CC2D2B: variants seen among roughly 807,000 people sequenced by gnomAD.
CC2D2B encodes the protein protein CC2D2B.
Under a neutral mutation model 161.2 loss-of-function variants are expected in CC2D2B, and 128 were observed. The ratio of observed to expected loss-of-function variants is 0.79; its 90% CI spans 0.69 to 0.92. The LOEUF is 0.92. Ranked by LOEUF, CC2D2B falls within the 40% of genes least tolerant of loss-of-function variation. The probability of loss-of-function intolerance (pLI) is 0.00; values close to 1 mark genes in which losing one functional copy is unlikely to be tolerated. For synonymous variants in CC2D2B, 391 were observed against 449.8 expected (o/e 0.87, Z 1.65); for missense variants, 1,173 against 1,375.1 (o/e 0.85, Z 2.32).
At chr10:95,939,311 A>G (rs917947244) in intron 9 of CC2D2B, among the ~76,000 whole-genome samples, 6 of 152,158 alleles carry the variant, frequency 3.9e-5, no homozygotes, top group African/African-American at 1.4e-4. Context: ...ATTGTTGTGT[A>G]CAGCAATAGC....
rs769545894 is a variant in CC2D2B at position 96,022,340 on chromosome 10, G to T, written c.3889-2513G>T. Among the ~76,000 whole-genome samples the T allele has an allele frequency of 1.6e-4, 25 of 152,152 alleles. 1 individual carries two copies. The highest frequency in any genetic ancestry group is 2.1e-4 in the South Asian group (1 of 4,820). ...CTGTCAAAGAAAAAAAAAAGTGATG[G>T]GTTTCTTTCTTATTCAACATCTCTT... On this transcript the variant is annotated intron_variant, in intron 32 of 34. Transcript: ENST00000646931.
In CC2D2B at chr10:95,949,975, T is replaced by C. The variant is rs1238853243; in HGVS notation, c.881T>C (p.Ile294Thr). ...GAAATATACCAGTTAGACCTCAACATTGTGGGTTTGCAATTCAGCCATCAT... is the reference window on the plus strand; with the variant it reads ...GAAATATACCAGTTAGACCTCAACACTGTGGGTTTGCAATTCAGCCATCAT... ...SREIYQLDLN[I>T]VGLQFSHHHL... Residue 294 changes from isoleucine (I) to threonine (T), a missense_variant, in exon 10 of 35, where the codon ATT becomes ACT. This residue lies in a region of CC2D2B where 298 missense variants were observed against 261.2 expected (regional missense o/e 1.14). Transcript: ENST00000646931. 1 of 398,674 alleles carries C rather than the reference T, an allele frequency of 2.5e-6. No homozygotes were observed. The highest frequency in any genetic ancestry group is 2.1e-5 in the African/African-American group (1 of 48,612). 24.7% of individuals were successfully genotyped at this position (398,674 alleles called of 1,614,324 possible). A position where few individuals can be genotyped will look rare whatever the true frequency, so the allele number is the denominator to read the frequency against.
chr10:95,938,965 C>T, intron 9 of CC2D2B, 40 bp downstream of exon 9: 1 of 654,476 alleles, frequency 1.5e-6, no homozygotes, highest in Non-Finnish European at 2.8e-6. Context: ...GGTTAAAATT[C>T]TTGTAATATC....
At chr10:95,945,102 T>A (rs554271467) in intron 9 of CC2D2B, among the ~76,000 whole-genome samples, 12 of 152,074 alleles carry the variant, frequency 7.9e-5, no homozygotes, top group Non-Finnish European at 1.3e-4. Flanking sequence ...ACACTAGACA[T>A]GAGATGTGGT....
intron 22 of CC2D2B, among the ~76,000 whole-genome samples, chr10:95,993,781 G>A (rs1292283165): frequency 1.4e-5 from 2 of 141,070 alleles, no homozygotes; most frequent in Admixed American, 1.4e-4. Context: ...TATATATATA[G>A]AGTATATATA....
intron 32 of CC2D2B, among the ~76,000 whole-genome samples, chr10:96,024,288 C>A (rs1219296028): frequency 6.6e-6 from 1 of 151,894 alleles, no homozygotes; most frequent in Admixed American, 6.6e-5. Context: ...CACATGTGTG[C>A]ATACATACAC....
intron 6 of CC2D2B, among the ~76,000 whole-genome samples, chr10:95,931,944 T>C (rs1044047845): frequency 1.2e-4 from 18 of 152,236 alleles, no homozygotes; most frequent in African/African-American, 4.3e-4. Context: ...GTTAATTTTC[T>C]GTCTCATTCA....
chr10:95,996,263 G>A lies in CC2D2B; in HGVS notation c.2849+11G>A. ...TAAAGTAGATTTTGTGTAAGTTGGA[G>A]TTCATTTTTCCATAGCTCCTAAAAA... On this transcript the variant is annotated intron_variant, in intron 24 of 34. Coordinates refer to ENST00000646931, the MANE Select transcript of CC2D2B (RefSeq NM_001349008.3). 2 of 1,251,676 alleles carry A rather than the reference G, an allele frequency of 1.6e-6. No homozygotes were observed. The highest frequency in any genetic ancestry group is 1.5e-5 in the African/African-American group (1 of 66,792). The allele number at this position is 1,251,676 out of a possible 1,614,324, so 77.5% of individuals were successfully genotyped here. A position where few individuals can be genotyped will look rare whatever the true frequency, so the allele number is the denominator to read the frequency against.
At position 95,985,943 on chromosome 10, in the gene CC2D2B, C is replaced by T. The variant is rs184343308; in HGVS notation, c.2286+2134C>T. 3.8e-3 allele frequency among the ~76,000 whole-genome samples: 582 copies of T among 152,232 alleles called. 2 individuals are homozygous for T. Among genetic ancestry groups the T allele is most frequent in the African/African-American group, 0.013 (549 of 41,540 alleles). On this transcript the variant is annotated intron_variant, in intron 19 of 34. Coordinates refer to ENST00000646931, the MANE Select transcript of CC2D2B (RefSeq NM_001349008.3). ...AGGCTTATTAGGACAAGGAAATTCC[C>T]GCCTAATAAATTTTGGTCAGACCGG...
chr10:96,009,308 T>G (rs1035669249), intron 25 of CC2D2B, among the ~76,000 whole-genome samples: 12 of 152,170 alleles, frequency 7.9e-5, no homozygotes, highest in African/African-American at 2.9e-4. Flanking sequence ...ATCTTCCTAT[T>G]TATTTTCTGC....
Position 95,938,037 on chromosome 10 carries a change from A to T in CC2D2B, c.383A>T (p.Asn128Ile). The T allele has an allele frequency of 6.4e-7, 1 of 1,551,222 alleles. No homozygotes were observed. The highest frequency in any genetic ancestry group is 8.7e-7 in the Non-Finnish European group (1 of 1,146,624). Residue 128 changes from asparagine (N) to isoleucine (I), a missense_variant, in exon 7 of 35, where the codon AAT becomes ATT. By Grantham distance (149) the Asn-to-Ile change is moderately radical (BLOSUM62 -3). Coordinates refer to ENST00000646931, the MANE Select transcript of CC2D2B (RefSeq NM_001349008.3). Reference sequence around the variant, plus strand: ...CCCAAATGCTTTTCACTTGGTGTTAATTTACAAAATGTTGCTGAGAGTGAA... The same window carrying T: ...CCCAAATGCTTTTCACTTGGTGTTATTTTACAAAATGTTGCTGAGAGTGAA... ...SYPKCFSLGV[N>I]LQNVAESEEE...
At chr10:95,972,432 G>A (rs1221636367) in intron 16 of CC2D2B, among the ~76,000 whole-genome samples, 5 of 151,828 alleles carry the variant, frequency 3.3e-5, no homozygotes, top group East Asian at 3.9e-4. Context: ...AGCAATTCTC[G>A]TGCCTCCAGT....
chr10:95,962,170 C>T (rs2076782646), intron 12 of CC2D2B, among the ~76,000 whole-genome samples: 1 of 151,564 alleles, frequency 6.6e-6, no homozygotes, highest in African/African-American at 2.4e-5. Context: ...GGAATTCTTA[C>T]AACTTAAGAA....
Position 95,991,367 on chromosome 10 carries a change from T to G in CC2D2B, c.2380-3T>G. ...TTTTTATTAAATTCTAAATTTTTTT[T>G]AGGTGAGAAGGTTGATAATGAAGAG... On this transcript the variant is annotated splice_region_variant and splice_polypyrimidine_tract_variant and intron_variant, in intron 20 of 34. Coordinates refer to ENST00000646931, the MANE Select transcript of CC2D2B (RefSeq NM_001349008.3). The G allele has an allele frequency of 1.0e-6, 1 of 1,002,208 alleles. No individual in the cohort carries two copies. The highest frequency in any genetic ancestry group is 1.3e-6 in the Non-Finnish European group (1 of 778,130). The allele number at this position is 1,002,208 out of a possible 1,614,324, so 62.1% of individuals were successfully genotyped here. A position where few individuals can be genotyped will look rare whatever the true frequency, so the allele number is the denominator to read the frequency against.
chr10:96,007,365 A>G (rs2078797402), intron 25 of CC2D2B, among the ~76,000 whole-genome samples: 1 of 152,274 alleles, frequency 6.6e-6, no homozygotes, highest in East Asian at 1.9e-4. Context: ...GTGAACCTTG[A>G]TAGAGCTATA....
Position 95,974,044 on chromosome 10 carries a change from G to C in CC2D2B, c.1831G>C (p.Glu611Gln). 1 of 1,231,598 alleles carries C rather than the reference G, an allele frequency of 8.1e-7. No homozygotes were observed. The highest frequency in any genetic ancestry group is 4.1e-5 in the South Asian group (1 of 24,302). The allele number at this position is 1,231,598 out of a possible 1,614,324, so 76.3% of individuals were successfully genotyped here. Residue 611 changes from glutamate to glutamine, a missense_variant, in exon 17 of 35, where the codon GAA becomes CAA. Glu to Gln is a conservative substitution (Grantham distance 29). Around this residue, in one of 3 missense-constraint regions of CC2D2B, gnomAD observed 277 missense variants for 420.6 expected, o/e 0.66. Coordinates refer to ENST00000646931, the MANE Select transcript of CC2D2B (RefSeq NM_001349008.3). ...TCTTCTTGAGGGAAATGGAACTGAA[G>C]AACTCTGTCTTTTGACATCAGGAAA... ...PFLLEGNGTE[E>Q]LCLLTSGKLS...
chr10:95,967,729 A>C (rs1271758105), intron 14 of CC2D2B, among the ~76,000 whole-genome samples: 2 of 152,178 alleles, frequency 1.3e-5, no homozygotes, highest in African/African-American at 2.4e-5. Flanking sequence ...TTTTACTTAG[A>C]TATTTCTTGA....
Position 95,972,203 on chromosome 10 carries a change from A to G in CC2D2B, c.1782A>G (p.Gly594=). ...SSDKLVMPAD[G]EVGSNVPFLL... is the part of the protein sequence containing the mutation. The stretch of plus-strand genomic sequence containing the variant: ...ATAAGCTGGTCATGCCTGCCGATGG[A>G]GAAGTAGGAAGCAGTGAGTTTATTA... Residue 594 remains glycine (G), a synonymous_variant, in exon 16 of 35, where the codon GGA becomes GGG. Coordinates refer to ENST00000646931, the MANE Select transcript of CC2D2B (RefSeq NM_001349008.3). 1 of 1,232,050 alleles carries G rather than the reference A, an allele frequency of 8.1e-7. No homozygotes were observed. The highest frequency in any genetic ancestry group is 1.0e-6 in the Non-Finnish European group (1 of 987,884). The allele number at this position is 1,232,050 out of a possible 1,614,324, so 76.3% of individuals were successfully genotyped here.
chr10:96,010,145 A>G (rs1564666891), intron 26 of CC2D2B, among the ~76,000 whole-genome samples: 1 of 152,222 alleles, frequency 6.6e-6, no homozygotes, highest in African/African-American at 2.4e-5. Context: ...AACTAGTCTT[A>G]GGTCTTAAAA....
Sources: allele counts gnomAD v4.1 joint callset (sites outside exome capture counted in the v4.1 genomes callset), GRCh38; gene constraint gnomAD v4.1.1; regional missense constraint gnomAD v4.1.1; transcripts MANE v1.5; gene names NCBI Gene and HGNC (gene_info 2026-07-23, HGNC 2026-07-21).